Variants in BCHE observed in about 807,000 individuals in gnomAD.
The protein encoded by BCHE is butyrylcholinesterase, also known as cholinesterase.
BCHE carries 48 observed loss-of-function variants against 51.3 expected under a neutral mutation model. The ratio of observed to expected loss-of-function variants is 0.94; its 90% confidence interval spans 0.74 to 1.19. The LOEUF (loss-of-function observed/expected upper bound fraction) is 1.19, where lower values mean the gene tolerates loss of function less well. Among genes scored for constraint, BCHE ranks in the 50% most tolerant of loss-of-function variants. The probability of loss-of-function intolerance (pLI) is 0.00; values close to 1 mark genes in which losing one functional copy is unlikely to be tolerated. For synonymous variants in BCHE, 251 were observed against 238.0 expected, an observed-to-expected ratio of 1.05 and a Z score of -0.50; for missense variants, 847 against 708.2, an observed-to-expected ratio of 1.20 and a Z score of -2.23.
chr3:165,808,633 C>G (rs1028168304), intron 2 of BCHE, among the ~76,000 whole-genome samples: 7 of 151,826 alleles, frequency 4.6e-5, no homozygotes, highest in African/African-American at 1.7e-4. Context: ...GACTATAGAT[C>G]GGGTGAGGTG....
chr3:165,776,956 A>C (rs1435489540), intron 3 of BCHE, among the ~76,000 whole-genome samples: 2 of 151,810 alleles, frequency 1.3e-5, no homozygotes, highest in African/African-American at 4.8e-5. Flanking sequence ...AATACATGTA[A>C]AATACGGTAA....
At position 165,787,999 on chromosome 3, in the gene BCHE, GA is replaced by G. The variant is rs561626079; in HGVS notation, c.1518-1689del. ...TCTACCTTATGCTAAATCATATTAA[GA>G]AAAACTCTGGTTGAAATTTTCTAAA... On this transcript the variant is annotated intron_variant, in intron 2 of 3. Transcript: ENST00000264381. Among the ~76,000 whole-genome samples the G allele has an allele frequency of 4.2e-3, 645 of 152,034 alleles. 5 individuals carry two copies. Among genetic ancestry groups the G allele is most frequent in the African/African-American group, 0.015 (617 of 41,520 alleles).
chr3:165,827,991 A>G (rs1184459825), intron 2 of BCHE: 2 of 455,420 alleles, frequency 4.4e-6, no homozygotes, highest in Admixed American at 4.7e-5. Context: ...CATACCCATC[A>G]TAGTACTTCA....
intron 2 of BCHE, among the ~76,000 whole-genome samples, chr3:165,792,491 T>C (rs1462723091): frequency 2.0e-5 from 3 of 152,038 alleles, no homozygotes; most frequent in African/African-American, 4.8e-5. Flanking sequence ...CTAGAAAACA[T>C]GAATGGGATA....
At chr3:165,801,692 G>A (rs953774577) in intron 2 of BCHE, among the ~76,000 whole-genome samples, 1 of 152,098 alleles carries the variant, frequency 6.6e-6, no homozygotes, top group African/African-American at 2.4e-5. Flanking sequence ...TGTTTATGTT[G>A]ACCTGGTATT....
intron 2 of BCHE, among the ~76,000 whole-genome samples, chr3:165,790,354 G>C (rs1290326568): frequency 6.6e-6 from 1 of 152,276 alleles, no homozygotes; most frequent in Admixed American, 6.5e-5. Flanking sequence ...TAGATGTCCT[G>C]AAGATAATAG....
intron 3 of BCHE, among the ~76,000 whole-genome samples, chr3:165,776,809 G>C (rs867255998): frequency 1.3e-4 from 20 of 151,582 alleles, no homozygotes; most frequent in Admixed American, 3.3e-4. Flanking sequence ...TATGTAGAGA[G>C]TAAATATAAA....
Position 165,773,370 on chromosome 3 carries a change from T to G in BCHE, c.*12A>C. 6.2e-7 allele frequency: 1 copy of G among 1,608,188 alleles called. No individual in the cohort carries two copies. Among genetic ancestry groups the G allele is most frequent in the Non-Finnish European group, 8.5e-7 (1 of 1,175,686 alleles). On this transcript the variant is annotated 3_prime_UTR_variant, in exon 4 of 4. Coordinates refer to ENST00000264381, the MANE Select transcript of BCHE (RefSeq NM_000055.4). ...AAAGGAAAATATGTTCTATAAAGGG[T>G]AAATCTATTAATTAGAGACCCACAC... is the stretch of plus-strand genomic sequence containing the variant.
intron 2 of BCHE, among the ~76,000 whole-genome samples, chr3:165,808,067 T>A (rs1713935517): frequency 6.6e-6 from 1 of 151,886 alleles, no homozygotes; most frequent in African/African-American, 2.4e-5. Context: ...CACTGCAAAC[T>A]CCGCCTCAAG....
chr3:165,822,880 A>G (rs1374813438), intron 2 of BCHE, among the ~76,000 whole-genome samples: 1 of 152,100 alleles, frequency 6.6e-6, no homozygotes, highest in Non-Finnish European at 1.5e-5. Context: ...AGTATTGACA[A>G]CATTTCATTA....
At chr3:165,815,955 G>A (rs2108225186) in intron 2 of BCHE, among the ~76,000 whole-genome samples, 1 of 151,894 alleles carries the variant, frequency 6.6e-6, no homozygotes, top group East Asian at 1.9e-4. Flanking sequence ...CAGTTCTATT[G>A]TAAGGTTACT....
chr3:165,812,377 T>G (rs1253829241), intron 2 of BCHE, among the ~76,000 whole-genome samples: 1 of 151,878 alleles, frequency 6.6e-6, no homozygotes, highest in Non-Finnish European at 1.5e-5. Context: ...ATTTTTACTC[T>G]ATATATAATT....
At chr3:165,774,687 C>T (rs1437159087) in intron 3 of BCHE, among the ~76,000 whole-genome samples, 2 of 152,110 alleles carry the variant, frequency 1.3e-5, no homozygotes, top group South Asian at 2.1e-4. Context: ...AGCCACTTAC[C>T]TTGAAAGCAG....
At chr3:165,834,762 C>G (rs1300883631) in intron 1 of BCHE, among the ~76,000 whole-genome samples, 1 of 151,588 alleles carries the variant, frequency 6.6e-6, no homozygotes, top group Non-Finnish European at 1.5e-5. Context: ...GGATATTCAA[C>G]AAAACATTAT....
At chr3:165,778,935 T>C (rs1280501578) in intron 3 of BCHE, among the ~76,000 whole-genome samples, 1 of 152,148 alleles carries the variant, frequency 6.6e-6, no homozygotes, top group Non-Finnish European at 1.5e-5. Context: ...TCTTTCCATT[T>C]TTTATATTTT....
intron 2 of BCHE, among the ~76,000 whole-genome samples, chr3:165,811,706 G>C (rs940443676): frequency 1.3e-5 from 2 of 151,988 alleles, no homozygotes; most frequent in African/African-American, 4.8e-5. Flanking sequence ...CAAGATGATA[G>C]TGTACACAGA....
At chr3:165,836,406 T>C (rs1488266999) in intron 1 of BCHE, among the ~76,000 whole-genome samples, 1 of 151,950 alleles carries the variant, frequency 6.6e-6, no homozygotes, top group Non-Finnish European at 1.5e-5. Flanking sequence ...GAGCTCCTAA[T>C]TGAGTTTATT....
chr3:165,829,587 T>C lies in BCHE; in HGVS notation c.1447A>G (p.Asn483Asp). The change falls in exon 2 of 4, where the codon AAT becomes GAT. Residue 483 changes from asparagine to aspartate, a missense_variant. Coordinates refer to ENST00000264381, the MANE Select transcript of BCHE (RefSeq NM_000055.4). The stretch of plus-strand genomic sequence containing the variant: ...AAAATTTCCTCGGCTTTTGTGTAAT[T>C]ATCTCTTCTTTCCAGAGGTAAACCA... ...VFGLPLERRDNYTKAEEILSR... is the reference protein window; with the variant it reads ...VFGLPLERRDDYTKAEEILSR... 6.2e-7 allele frequency: 1 copy of C among 1,613,838 alleles called. No individual in the cohort carries two copies. Among genetic ancestry groups the C allele is most frequent in the South Asian group, 1.1e-5 (1 of 91,082 alleles).
At chr3:165,791,366 G>A (rs1476967783) in intron 2 of BCHE, among the ~76,000 whole-genome samples, 1 of 152,128 alleles carries the variant, frequency 6.6e-6, no homozygotes, top group East Asian at 1.9e-4. Flanking sequence ...TGTAGTGCTG[G>A]GAATAACTAC....
Sources: gnomAD v4.1 joint callset for allele counts (sites outside exome capture counted in the v4.1 genomes callset) on GRCh38, gnomAD v4.1.1 for gene constraint, MANE v1.5 for transcripts, NCBI Gene and HGNC (gene_info 2026-07-23, HGNC 2026-07-21) for gene names.